The following LVRN variants were observed in gnomAD, a reference collection of about 807,000 sequenced individuals.
LVRN encodes laeverin.
LVRN carries 99 observed loss-of-function variants against 111.4 expected under a neutral mutation model. That is an observed-to-expected ratio of 0.89 (90% CI 0.76 to 1.05). The LOEUF (loss-of-function observed/expected upper bound fraction) is 1.05, where lower values mean the gene tolerates loss of function less well. Ranked by LOEUF, LVRN falls within the 50% of genes least tolerant of loss-of-function variation. LVRN has a pLI of 0.00. For missense variants in LVRN, 1,414 were observed against 1,206.8 expected (o/e 1.17, Z -2.54); for synonymous variants, 488 against 449.5 (o/e 1.09, Z -1.08).
Position 116,022,461 on chromosome 5 carries a change from G to A in LVRN, c.2827G>A (p.Val943Met). ...GRTVTTDLQI[V>M]ELQQFFSNML... ...AACCGTAACTACAGATTTACAGATT[G>A]TGGAGGTAAGTACTTTAAATATTAT... Residue 943 changes from valine (V) to methionine (M), a missense_variant, in exon 19 of 20, where the codon GTG (valine) becomes ATG (methionine). Transcript: ENST00000357872. The A allele has an allele frequency of 2.0e-6, 3 of 1,538,224 alleles. No homozygotes were observed. Among genetic ancestry groups the A allele is most frequent in the South Asian group, 1.2e-5 (1 of 85,014 alleles).
At position 116,012,326 on chromosome 5, in the gene LVRN, AG is replaced by A. The variant is rs756876401; in HGVS notation, c.2248-47del. 9.1e-6 allele frequency: 9 copies of A among 988,298 alleles called. 1 individual carries two copies. In the Admixed American group the frequency reaches 2.0e-4, roughly 22 times the overall value. 61.2% of individuals were successfully genotyped at this position (988,298 alleles called of 1,614,324 possible). A position where few individuals can be genotyped will look rare whatever the true frequency, so the allele number is the denominator to read the frequency against. ...ATAAATAGAAACACAGTGAAAATTC[AG>A]TGTTTGCAAGCCAGAACTAACAGTG... is the stretch of plus-strand genomic sequence containing the variant. On this transcript the variant is annotated intron_variant, in intron 14 of 19. Coordinates refer to ENST00000357872, the MANE Select transcript of LVRN (RefSeq NM_173800.5).
At chr5:115,964,242 G>A (rs1301085844) in intron 1 of LVRN, among the ~76,000 whole-genome samples, 1 of 152,110 alleles carries the variant, frequency 6.6e-6, no homozygotes, top group Admixed American at 6.5e-5. Flanking sequence ...GTACACAACT[G>A]CATGTACTTT....
At chr5:116,005,692 C>G in intron 12 of LVRN, 1 of 604,680 alleles carries the variant, frequency 1.7e-6, no homozygotes, top group Non-Finnish European at 3.1e-6. Context: ...ATATTTAAAC[C>G]TTATGATTGA....
At chr5:115,986,429 C>T (rs534416525) in intron 3 of LVRN, among the ~76,000 whole-genome samples, 31 of 152,214 alleles carry the variant, frequency 2.0e-4, no homozygotes, top group Admixed American at 4.6e-4. Context: ...GGGATGATAT[C>T]GATTTATCTG....
chr5:116,016,633 C>T (rs760959829), intron 18 of LVRN, among the ~76,000 whole-genome samples: 3 of 152,198 alleles, frequency 2.0e-5, no homozygotes, highest in Non-Finnish European at 4.4e-5. Flanking sequence ...TTTGCAGACT[C>T]ACAGTGCATT....
chr5:116,006,111 G>A, intron 13 of LVRN, 144 bp downstream of exon 13: 2 of 601,606 alleles, frequency 3.3e-6, no homozygotes, highest in Non-Finnish European at 2.7e-6. Flanking sequence ...TAGCTGCAAT[G>A]GAATTTTATA....
rs139416212 is a variant in LVRN, at chr5:115,985,020, C to G, written c.978+311C>G. Among the ~76,000 whole-genome samples, 29 of 152,302 alleles carry G rather than the reference C, an allele frequency of 1.9e-4. No individual in the cohort carries two copies. In the East Asian group the frequency reaches 5.2e-3, roughly 27 times the overall value. ...GGAGAGAATGGGGAGCACTGCTGCA[C>G]TGGCACCTTGATGTTTGCGTTTAGT... On this transcript the variant is annotated intron_variant, in intron 3 of 19. Transcript: ENST00000357872.
In LVRN at chr5:116,015,426, A is replaced by G; in HGVS notation, c.2618+7A>G. 6.5e-7 allele frequency: 1 copy of G among 1,529,578 alleles called. No individual in the cohort carries two copies. Among genetic ancestry groups the G allele is most frequent in the Non-Finnish European group, 8.7e-7 (1 of 1,142,934 alleles). 94.8% of individuals were successfully genotyped at this position (1,529,578 alleles called of 1,614,324 possible). ...ACCCATGGATACTTAACAGGTGATTATGGTCAACTTACCTTGAAAGTTTCT... is the reference window on the plus strand; with the variant it reads ...ACCCATGGATACTTAACAGGTGATTGTGGTCAACTTACCTTGAAAGTTTCT... On this transcript the variant is annotated splice_region_variant and intron_variant, in intron 17 of 19. Coordinates refer to ENST00000357872, the MANE Select transcript of LVRN (RefSeq NM_173800.5).
At chr5:115,996,962 C>A (rs535947235) in intron 6 of LVRN, among the ~76,000 whole-genome samples, 1 of 152,280 alleles carries the variant, frequency 6.6e-6, no homozygotes, top group South Asian at 2.1e-4. Flanking sequence ...AGACAACTAC[C>A]ACTAACTAGG....
chr5:115,994,002 A>G (rs1465625697), intron 6 of LVRN, 148 bp downstream of exon 6: 4 of 494,044 alleles, frequency 8.1e-6, no homozygotes. Flanking sequence ...TAGCTTTTTG[A>G]TATTTTTTTT....
At chr5:115,999,211 A>G (rs1748185053) in intron 6 of LVRN, among the ~76,000 whole-genome samples, 1 of 152,242 alleles carries the variant, frequency 6.6e-6, no homozygotes, top group East Asian at 1.9e-4. Flanking sequence ...TCTTTTAAAG[A>G]GTCCTATGGT....
At chr5:116,011,907 T>C (rs1748497710) in intron 14 of LVRN, among the ~76,000 whole-genome samples, 1 of 152,170 alleles carries the variant, frequency 6.6e-6, no homozygotes, top group East Asian at 1.9e-4. Context: ...ATTTCAAAAT[T>C]AGGGCTTCAG....
chr5:115,997,431 A>G (rs969070804), intron 6 of LVRN, among the ~76,000 whole-genome samples: 2 of 152,214 alleles, frequency 1.3e-5, no homozygotes, highest in Non-Finnish European at 1.5e-5. Context: ...TGGGAGGCCA[A>G]GGTGGGAGAA....
At chr5:115,982,604 ACGT>A (rs1753583070) in intron 1 of LVRN, among the ~76,000 whole-genome samples, 1 of 152,010 alleles carries the variant, frequency 6.6e-6, no homozygotes, top group East Asian at 1.9e-4. Context: ...GGTAAACCTG[ACGT>A]CTTCTCGTCT....
At chr5:115,965,286 A>C (rs1753178740) in intron 1 of LVRN, among the ~76,000 whole-genome samples, 1 of 152,156 alleles carries the variant, frequency 6.6e-6, no homozygotes, top group Non-Finnish European at 1.5e-5. Context: ...AAGAAGGCAG[A>C]AGCTGGGGAG....
At chr5:116,010,976 G>T (rs13185360) in intron 14 of LVRN, 82 bp downstream of exon 14, 3 of 1,001,972 alleles carry the variant, frequency 3.0e-6, no homozygotes, top group Admixed American at 8.5e-5. Context: ...TGTGAGACAG[G>T]TCTTTTCCAA....
Position 115,983,304 on chromosome 5 carries a change from A to G in LVRN, c.713A>G (p.Gln238Arg). Residue 238 changes from glutamine to arginine, a missense_variant, in exon 2 of 20, where the codon CAG (glutamine) becomes CGG (arginine). By Grantham distance (43) the Gln-to-Arg change is conservative. Coordinates refer to ENST00000357872, the MANE Select transcript of LVRN (RefSeq NM_173800.5). ...TATTTCAGGGCCCTGTTAGCGTCCC[A>G]GCTGGAACCAACATTTGCCAGGTAT... ...QGERRALLAS[Q>R]LEPTFARYVF... is the part of the protein sequence containing the mutation. The G allele has an allele frequency of 1.2e-6, 2 of 1,602,212 alleles. No homozygotes were observed. Among genetic ancestry groups the G allele is most frequent in the South Asian group, 1.1e-5 (1 of 88,364 alleles).
chr5:116,001,331 C>A (rs985143353), intron 10 of LVRN, 92 bp downstream of exon 10: 13 of 1,396,756 alleles, frequency 9.3e-6, no homozygotes, highest in South Asian at 3.7e-5. Context: ...AGCGTTACCC[C>A]CGCTGGGCAT....
chr5:115,966,816 T>C (rs1156538890), intron 1 of LVRN, among the ~76,000 whole-genome samples: 1 of 152,210 alleles, frequency 6.6e-6, no homozygotes, highest in East Asian at 1.9e-4. Flanking sequence ...TCATTTGGTA[T>C]TGTCACTATA....
Sources: gnomAD v4.1 joint callset for allele counts (sites outside exome capture counted in the v4.1 genomes callset) on GRCh38, gnomAD v4.1.1 for gene constraint, MANE v1.5 for transcripts, NCBI Gene and HGNC (gene_info 2026-07-23, HGNC 2026-07-21) for gene names.